MKI67: variants seen among roughly 807,000 people sequenced by gnomAD.
MKI67 encodes proliferation marker protein Ki-67.
MKI67 carries 152 observed loss-of-function variants against 233.5 expected under a neutral mutation model. That is an observed-to-expected ratio of 0.65 (90% confidence interval 0.57 to 0.74). The LOEUF (loss-of-function observed/expected upper bound fraction) is 0.74, where lower values mean the gene tolerates loss of function less well. MKI67 is among the 30% of genes least tolerant of loss of function. MKI67 has a pLI of 0.00. For missense variants in MKI67, 3,940 were observed against 3,885.2 expected (o/e 1.01, Z -0.37); for synonymous variants, 1,465 against 1,418.5 (o/e 1.03, Z -0.74).
chr10:128,104,227 C>G lies in MKI67; in HGVS notation c.7613G>C (p.Ser2538Thr). 1 of 1,613,834 alleles carries G rather than the reference C, an allele frequency of 6.2e-7. No homozygotes were observed. Among genetic ancestry groups the G allele is most frequent in the Non-Finnish European group, 8.5e-7 (1 of 1,179,994 alleles). ...SPKQILDPAA[S>T]VTGSRRQLRT... Reference sequence around the variant, plus strand: ...CAGCTGCCTCCTGCTACCAGTTACACTTGCTGCTGGGTCCAGGATCTGCTT... The same window carrying G: ...CAGCTGCCTCCTGCTACCAGTTACAGTTGCTGCTGGGTCCAGGATCTGCTT... The change falls in exon 13 of 15, where the codon AGT becomes ACT. Residue 2538 changes from serine (S) to threonine (T), a missense_variant. Ser to Thr is a moderately conservative substitution (Grantham distance 58). Transcript: ENST00000368654.
intron 5 of MKI67, among the ~76,000 whole-genome samples, chr10:128,118,040 G>A (rs117737966): frequency 2.0e-5 from 3 of 152,124 alleles, no homozygotes; most frequent in Admixed American, 6.6e-5. Context: ...CTTCCAGCAC[G>A]GGAACTGATG....
intron 4 of MKI67, among the ~76,000 whole-genome samples, chr10:128,121,654 C>T (rs1006678822): frequency 2.0e-5 from 3 of 147,810 alleles, no homozygotes; most frequent in Non-Finnish European, 3.0e-5. Flanking sequence ...TTTTCAATTA[C>T]ACAAGGCAGA....
rs1159514380 is a variant in MKI67, at chr10:128,125,786, GCAAAGGAGCTAAGA to G, written c.-89-44_-89-31del. 5.9e-6 allele frequency: 5 copies of G among 849,406 alleles called. No homozygotes were observed. Among genetic ancestry groups the G allele is most frequent in the Admixed American group, 3.9e-5 (2 of 51,238 alleles). 52.6% of individuals were successfully genotyped at this position (849,406 alleles called of 1,614,324 possible). A position where few individuals can be genotyped will look rare whatever the true frequency, so the allele number is the denominator to read the frequency against. On this transcript the variant is annotated intron_variant, in intron 1 of 14. Transcript: ENST00000368654. This position sits in a 1 kb window ranked among gnomAD's most constrained non-coding sequence, Gnocchi z 5.3. ...AAAAGAGGTGCGAGTTACTCTGATA[GCAAAGGAGCTAAGA>G]AGGGCCCCGTGCCCAATTCACCTAT...
rs746808352 is a variant in MKI67 at position 128,115,933 on chromosome 10, T to C, written c.475A>G (p.Ile159Val). ...GKVSGNPQVH[I>V]KNVKEDSTAD... ...GTACTGTCTTCTTTGACATTCTTGATATGTACCTGAGGATTTCCTGAAACT... is the reference window on the plus strand; with the variant it reads ...GTACTGTCTTCTTTGACATTCTTGACATGTACCTGAGGATTTCCTGAAACT... Residue 159 changes from isoleucine to valine, a missense_variant, in exon 7 of 15, where the codon ATC (isoleucine) becomes GTC (valine). Coordinates refer to ENST00000368654, the MANE Select transcript of MKI67 (RefSeq NM_002417.5). The C allele has an allele frequency of 1.2e-6, 2 of 1,611,886 alleles. No homozygotes were observed. Among genetic ancestry groups the C allele is most frequent in the South Asian group, 1.1e-5 (1 of 90,988 alleles).
chr10:128,107,989 G>T lies in MKI67; in HGVS notation c.3851C>A (p.Ala1284Glu), dbSNP rs1209327267. 1 of 1,613,860 alleles carries T rather than the reference G, an allele frequency of 6.2e-7. No homozygotes were observed. Among genetic ancestry groups the T allele is most frequent in the Non-Finnish European group, 8.5e-7 (1 of 1,179,992 alleles). The change falls in exon 13 of 15, where the codon GCG (alanine) becomes GAG (glutamate). Residue 1284 changes from alanine to glutamate, a missense_variant. Transcript: ENST00000368654. ...TGCTGATGGCATTAGATTCCTGCAC[G>T]CTAAGAGTTCTCCCTCTACATCTGC... Reference protein sequence around the residue: ...RKADVEGELLACRNLMPSAGK... With the variant: ...RKADVEGELLECRNLMPSAGK...
Position 128,105,831 on chromosome 10 carries a change from C to G in MKI67, c.6009G>C (p.Leu2003Phe). The G allele has an allele frequency of 6.2e-7, 1 of 1,614,138 alleles. No homozygotes were observed. Among genetic ancestry groups the G allele is most frequent in the Non-Finnish European group, 8.5e-7 (1 of 1,180,020 alleles). The change falls in exon 13 of 15, where the codon TTG (leucine) becomes TTC (phenylalanine). Residue 2003 changes from leucine (L) to phenylalanine (F), a missense_variant. By Grantham distance (22) the Leu-to-Phe change is conservative (BLOSUM62 0). Coordinates refer to ENST00000368654, the MANE Select transcript of MKI67 (RefSeq NM_002417.5). ...CCTCTTCTTTCACACCTACTTTCCC[C>G]AAGGATATCTTGAGTCGTTGCTTGG... ...TSSKQRLKIS[L>F]GKVGVKEEVL... is the part of the protein sequence containing the mutation.
rs766945778 is a variant in MKI67 at position 128,105,923 on chromosome 10, C to G, written c.5917G>C (p.Asp1973His). Residue 1973 changes from aspartate to histidine, a missense_variant, in exon 13 of 15, where the codon GAT (aspartate) becomes CAT (histidine). Physicochemically the swap from Asp to His is moderately conservative, Grantham distance 81 (BLOSUM62 -1). Coordinates refer to ENST00000368654, the MANE Select transcript of MKI67 (RefSeq NM_002417.5). ...CAGGATACTTCTGTGATTTTGTCATCGGTCATTGATTCCTCAGTGTGACCT... is the reference window on the plus strand; with the variant it reads ...CAGGATACTTCTGTGATTTTGTCATGGGTCATTGATTCCTCAGTGTGACCT... ...TPGHTEESMT[D>H]DKITEVSCKS... 1 of 1,613,952 alleles carries G rather than the reference C, an allele frequency of 6.2e-7. No homozygotes were observed. The highest frequency in any genetic ancestry group is 1.7e-5 in the Admixed American group (1 of 59,994).
At chr10:128,117,168 C>A (rs989614581) in intron 5 of MKI67, among the ~76,000 whole-genome samples, 2 of 152,150 alleles carry the variant, frequency 1.3e-5, no homozygotes, top group African/African-American at 4.8e-5. Flanking sequence ...GCGGAAGAAC[C>A]AAAGTCAATA....
chr10:128,113,297 A>T, intron 8 of MKI67, 130 bp downstream of exon 8: 1 of 1,144,818 alleles, frequency 8.7e-7, no homozygotes, highest in Non-Finnish European at 1.2e-6. Context: ...TCGTCTTTTT[A>T]AAAACTTGTT....
chr10:128,105,843 G>A lies in MKI67; in HGVS notation c.5997C>T (p.Leu1999=). Residue 1999 remains leucine, a synonymous_variant, in exon 13 of 15, where the codon CTC becomes CTT. Coordinates refer to ENST00000368654, the MANE Select transcript of MKI67 (RefSeq NM_002417.5). The part of the protein sequence containing the change: ...VKTPTSSKQR[L]KISLGKVGVK... ...CACCTACTTTCCCCAAGGATATCTT[G>A]AGTCGTTGCTTGGAGCTTGTTGGGG... 1 of 1,614,128 alleles carries A rather than the reference G, an allele frequency of 6.2e-7. No homozygotes were observed. The highest frequency in any genetic ancestry group is 8.5e-7 in the Non-Finnish European group (1 of 1,180,026).
chr10:128,111,433 C>G (rs1852672071), intron 11 of MKI67: 1 of 507,012 alleles, frequency 2.0e-6, no homozygotes, highest in Admixed American at 3.6e-5. Context: ...CTATTTCATG[C>G]AGGACATGTG....
rs1428104203 is a variant in MKI67, at chr10:128,108,333, T to C, written c.3507A>G (p.Ser1169=). The C allele has an allele frequency of 6.2e-6, 10 of 1,614,182 alleles. No homozygotes were observed. The highest frequency in any genetic ancestry group is 8.5e-6 in the Non-Finnish European group (10 of 1,180,040). ...TGGGCGTAAGCATGGCTTTCCCTGC[T>C]GATGGTGTTAGTTTCCTGAGTGCTA... The part of the protein sequence containing the change: ...EFLALRKLTP[S]AGKAMLTPKP... The change falls in exon 13 of 15, where the codon TCA becomes TCG. Residue 1169 remains serine (S), a synonymous_variant. Transcript: ENST00000368654.
chr10:128,112,573 T>A, intron 8 of MKI67, 128 bp from the exon 9 acceptor site: 1 of 911,588 alleles, frequency 1.1e-6, no homozygotes, highest in Non-Finnish European at 1.7e-6. Context: ...CTTAAGCCAC[T>A]GTCTTTGAAG....
chr10:128,102,582 AT>A lies in MKI67; in HGVS notation c.9257del (p.Asn3086IlefsTer20). On this transcript the variant is annotated frameshift_variant, in exon 13 of 15. Coordinates refer to ENST00000368654, the MANE Select transcript of MKI67 (RefSeq NM_002417.5). LOFTEE classifies it high-confidence loss of function. ...ATGCTGTAATACTTCCTCTCACCTT[AT>A]TTTCAGGGACCGAGTCTTGTAATTT... ...EHKLQDSVPE[N>X]KGISLRSRRQ... The A allele has an allele frequency of 6.2e-7, 1 of 1,612,486 alleles. No homozygotes were observed. The highest frequency in any genetic ancestry group is 1.1e-5 in the South Asian group (1 of 91,056).
chr10:128,102,877 T>A lies in MKI67; in HGVS notation c.8963A>T (p.Asn2988Ile). 1 of 1,614,206 alleles carries A rather than the reference T, an allele frequency of 6.2e-7. No homozygotes were observed. The change falls in exon 13 of 15, where the codon AAC becomes ATC. Residue 2988 changes from asparagine (N) to isoleucine (I), a missense_variant. Coordinates refer to ENST00000368654, the MANE Select transcript of MKI67 (RefSeq NM_002417.5). ...RDPVKSQSKS[N>I]TSLPPLPFKR... ...GAAGGGCAGTGGGGGCAGGGAAGTG[T>A]TGCTTTTGCTTTGTGATTTTACAGG... is the stretch of plus-strand genomic sequence containing the variant.
chr10:128,102,931 G>C lies in MKI67; in HGVS notation c.8909C>G (p.Pro2970Arg), dbSNP rs777946803. ...TCTGGTGCTTACCACGTCTCCCACG[G>C]GTTCTACTTTAGGGGCCCGAAGAAC... ...RRVLRAPKVE[P>R]VGDVVSTRDP... The change falls in exon 13 of 15, where the codon CCC becomes CGC. Residue 2970 changes from proline (P) to arginine (R), a missense_variant. Transcript: ENST00000368654. The C allele has an allele frequency of 1.2e-6, 2 of 1,614,220 alleles. No homozygotes were observed. Among genetic ancestry groups the C allele is most frequent in the South Asian group, 1.1e-5 (1 of 91,088 alleles).
At position 128,106,451 on chromosome 10, in the gene MKI67, T is replaced by C. The variant is rs765509333; in HGVS notation, c.5389A>G (p.Thr1797Ala). The stretch of plus-strand genomic sequence containing the variant: ...TTCTGCACTGGAGTTCCCAAAAACG[T>C]GTTGATGTCTTTCTCTTCACCTACT... The part of the protein sequence containing the change: ...PAVGEEKDIN[T>A]FLGTPVQKLD... Residue 1797 changes from threonine (T) to alanine (A), a missense_variant, in exon 13 of 15, where the codon ACG becomes GCG. Transcript: ENST00000368654. The C allele has an allele frequency of 1.2e-6, 2 of 1,613,254 alleles. No individual in the cohort carries two copies. The highest frequency in any genetic ancestry group is 3.3e-5 in the Admixed American group (2 of 59,926).
Position 128,126,338 on chromosome 10 carries a change from C to A in MKI67, c.-329G>T. ...CCCGGTGGCCCTACAGGCTACGTCC[C>A]CGGGCGCCCGGCTCTAGCGGCTCCC... On this transcript the variant is annotated 5_prime_UTR_variant, in exon 1 of 15. Coordinates refer to ENST00000368654, the MANE Select transcript of MKI67 (RefSeq NM_002417.5). 1 of 152,432 alleles carries A rather than the reference C, an allele frequency of 6.6e-6. No individual in the cohort carries two copies. The highest frequency in any genetic ancestry group is 2.0e-4 in the South Asian group (1 of 5,026). The allele number at this position is 152,432 out of a possible 1,614,324, so 9.4% of individuals were successfully genotyped here.
In MKI67 at chr10:128,105,668, C is replaced by A; in HGVS notation, c.6172G>T (p.Gly2058Trp). The A allele has an allele frequency of 6.2e-7, 1 of 1,613,780 alleles. No homozygotes were observed. The highest frequency in any genetic ancestry group is 1.1e-5 in the South Asian group (1 of 91,052). Residue 2058 changes from glycine (G) to tryptophan (W), a missense_variant, in exon 13 of 15, where the codon GGG becomes TGG. Physicochemically the swap from Gly to Trp is radical, Grantham distance 184. Coordinates refer to ENST00000368654, the MANE Select transcript of MKI67 (RefSeq NM_002417.5). ...QMLDPANYGT[G>W]MERWPRTPKE... ...GGTGTTCTTGGCCACCTCTCCATCCCAGTTCCATAGTTTGCTGGGTCCAGC... is the reference window on the plus strand; with the variant it reads ...GGTGTTCTTGGCCACCTCTCCATCCAAGTTCCATAGTTTGCTGGGTCCAGC...
Sources: gnomAD v4.1 joint callset for allele counts (sites outside exome capture counted in the v4.1 genomes callset) on GRCh38, gnomAD v4.1.1 for gene constraint, Gnocchi (gnomAD v3.1) non-coding constraint, MANE v1.5 for transcripts, NCBI Gene and HGNC (gene_info 2026-07-23, HGNC 2026-07-21) for gene names.